Variants in PPP1R37 observed in about 807,000 individuals in gnomAD.
The protein encoded by PPP1R37 is leucine rich repeat containing 68.
A neutral mutation model predicts 61.0 loss-of-function variants in PPP1R37; 21 were observed. The ratio of observed to expected loss-of-function variants is 0.34; its 90% CI spans 0.24 to 0.50. The LOEUF is 0.50. PPP1R37 is among the 20% of genes least tolerant of loss of function. PPP1R37 has a pLI of 0.98. For missense variants in PPP1R37, 910 were observed against 952.7 expected (o/e 0.96, Z 0.59); for synonymous variants, 443 against 433.5 (o/e 1.02, Z -0.27).
intron 1 of PPP1R37, among the ~76,000 whole-genome samples, chr19:45,114,888 C>G (rs1388409484): frequency 6.6e-6 from 1 of 152,158 alleles, no homozygotes; most frequent in African/African-American, 2.4e-5. Context: ...GAAGCTCCTT[C>G]CAGCTGGGGG....
chr19:45,127,988 A>AT (rs1255867240), intron 1 of PPP1R37, among the ~76,000 whole-genome samples: 29 of 151,976 alleles, frequency 1.9e-4, no homozygotes, highest in Non-Finnish European at 2.9e-4. Flanking sequence ...AAAAAAAAAA[A>AT]AAAAAGATAA....
At position 45,134,182 on chromosome 19, in the gene PPP1R37, A is replaced by T. The variant is rs1442085095; in HGVS notation, c.203-4332A>T. On this transcript the variant is annotated intron_variant, in intron 1 of 12. Transcript: ENST00000221462. ...TTCTCCTCTCTTTTTTTTTTCTGAA[A>T]TTTTTTTTGTAGAGACTGGCTTTGT... Among the ~76,000 whole-genome samples the T allele has an allele frequency of 6.6e-5, 10 of 151,320 alleles. 1 individual carries two copies. The highest frequency in any genetic ancestry group is 4.2e-4 in the South Asian group (2 of 4,796).
At chr19:45,141,481 T>C in intron 5 of PPP1R37, 40 bp downstream of exon 5, 1 of 752,664 alleles carries the variant, frequency 1.3e-6, no homozygotes. Flanking sequence ...CAGCTCAGGC[T>C]CCCAGCACGG....
intron 1 of PPP1R37, among the ~76,000 whole-genome samples, chr19:45,095,656 A>G (rs1033626861): frequency 2.6e-5 from 4 of 151,694 alleles, no homozygotes; most frequent in African/African-American, 4.8e-5. Flanking sequence ...CCAGCAACTC[A>G]GGAGGCTGAA....
Position 45,146,542 on chromosome 19 carries a change from A to C in PPP1R37, c.*9-29A>C, listed in dbSNP as rs1026614154. The stretch of plus-strand genomic sequence containing the variant: ...AGCTGAGAGAGCCTCTGGCTCTGAC[A>C]GTCTCTCCCCCAATCTCTCCTCCCC... On this transcript the variant is annotated intron_variant, in intron 12 of 12. Transcript: ENST00000221462. The C allele has an allele frequency of 3.1e-5, 38 of 1,218,150 alleles. No homozygotes were observed. The African/African-American group carries it at 4.5e-4, about 14-fold the overall frequency. The allele number at this position is 1,218,150 out of a possible 1,614,324, so 75.5% of individuals were successfully genotyped here.
intron 1 of PPP1R37, among the ~76,000 whole-genome samples, chr19:45,116,044 C>T (rs998314680): frequency 6.6e-6 from 1 of 152,044 alleles, no homozygotes; most frequent in African/African-American, 2.4e-5. Flanking sequence ...GACTGGGGAC[C>T]CAGGGATTAA....
chr19:45,137,450 C>T (rs1338013204), intron 1 of PPP1R37, among the ~76,000 whole-genome samples: 1 of 151,900 alleles, frequency 6.6e-6, no homozygotes, highest in Non-Finnish European at 1.5e-5. Context: ...AAGCCCAGCC[C>T]TCCCTTCCGC....
chr19:45,095,740 G>T (rs2122702971), intron 1 of PPP1R37, among the ~76,000 whole-genome samples: 1 of 149,072 alleles, frequency 6.7e-6, no homozygotes, highest in Non-Finnish European at 1.5e-5. Flanking sequence ...TCCAGCTTGG[G>T]TGACAGAGAC....
intron 1 of PPP1R37, among the ~76,000 whole-genome samples, chr19:45,137,430 T>C (rs1968552830): frequency 6.6e-6 from 1 of 152,158 alleles, no homozygotes; most frequent in African/African-American, 2.4e-5. Flanking sequence ...GGCAAATCTG[T>C]GTAGATAGAA....
intron 1 of PPP1R37, among the ~76,000 whole-genome samples, chr19:45,096,939 T>A (rs1347647453): frequency 6.6e-6 from 1 of 150,464 alleles, no homozygotes. Context: ...ATTGGTGAAG[T>A]TGGTGAGTTT....
In PPP1R37 at chr19:45,143,272, G is replaced by A; in HGVS notation, c.875-249G>A. 1.2e-5 allele frequency: 5 copies of A among 423,096 alleles called. No individual in the cohort carries two copies. The East Asian group carries it at 1.8e-4, about 15-fold the overall frequency. The allele number at this position is 423,096 out of a possible 1,614,324, so 26.2% of individuals were successfully genotyped here. A position where few individuals can be genotyped will look rare whatever the true frequency, so the allele number is the denominator to read the frequency against. On this transcript the variant is annotated intron_variant, in intron 7 of 12. Coordinates refer to ENST00000221462, the MANE Select transcript of PPP1R37 (RefSeq NM_019121.2). ...GAGTGAGCTGGCTGTGAGGTGAGGT[G>A]GGCCAGAGGTGGTCACATTTGAGCA...
chr19:45,107,079 G>A (rs1968141899), intron 1 of PPP1R37, among the ~76,000 whole-genome samples: 1 of 151,540 alleles, frequency 6.6e-6, no homozygotes, highest in South Asian at 2.1e-4. Flanking sequence ...GCCTCCCAAA[G>A]TGCTGGGATT....
intron 1 of PPP1R37, among the ~76,000 whole-genome samples, chr19:45,125,495 C>A (rs1233655683): frequency 6.6e-6 from 1 of 152,142 alleles, no homozygotes; most frequent in Non-Finnish European, 1.5e-5. Flanking sequence ...TTCCTCTGAG[C>A]TGGCTTCATT....
intron 1 of PPP1R37, among the ~76,000 whole-genome samples, chr19:45,124,074 A>AGT (rs914609836): frequency 6.6e-6 from 1 of 151,952 alleles, no homozygotes; most frequent in Non-Finnish European, 1.5e-5. Context: ...ACCACAGACC[A>AGT]CCCCATGCTG....
In PPP1R37 at chr19:45,093,422, C is replaced by G; in HGVS notation, c.97C>G (p.Pro33Ala). The change falls in exon 1 of 13, where the codon CCC becomes GCC. Residue 33 changes from proline (P) to alanine (A), a missense_variant. Pro to Ala is a conservative substitution (Grantham distance 27). Transcript: ENST00000221462. ...AEAGSPSPAS[P>A]PADGRLKAAA... ...GGCCGGGTCTCCCAGCCCCGCGTCG[C>G]CCCCCGCCGATGGGCGCCTCAAGGC... 6.5e-7 allele frequency: 1 copy of G among 1,534,650 alleles called. No individual in the cohort carries two copies. Among genetic ancestry groups the G allele is most frequent in the Non-Finnish European group, 8.7e-7 (1 of 1,146,306 alleles).
intron 1 of PPP1R37, among the ~76,000 whole-genome samples, chr19:45,137,740 G>C (rs376808068): frequency 2.5e-4 from 38 of 152,008 alleles, no homozygotes; most frequent in African/African-American, 8.9e-4. Flanking sequence ...TATATACCAG[G>C]TGTGTGATCT....
At chr19:45,122,167 A>G (rs1009645419) in intron 1 of PPP1R37, among the ~76,000 whole-genome samples, 1 of 152,170 alleles carries the variant, frequency 6.6e-6, no homozygotes, top group Non-Finnish European at 1.5e-5. Flanking sequence ...GGAACTGGAC[A>G]CCTAGTGAAG....
In PPP1R37 at chr19:45,123,349, G is replaced by A. The variant is rs186691696; in HGVS notation, c.203-15165G>A. 2.5e-4 allele frequency among the ~76,000 whole-genome samples: 38 copies of A among 152,292 alleles called. No homozygotes were observed. The East Asian group carries it at 7.1e-3, about 29-fold the overall frequency. Reference sequence around the variant, plus strand: ...GGCTGGGTCTTCCTGCAGGCACCAGGAAGAAACCTACGAGCGCATCCTTGC... The same window carrying A: ...GGCTGGGTCTTCCTGCAGGCACCAGAAAGAAACCTACGAGCGCATCCTTGC... On this transcript the variant is annotated intron_variant, in intron 1 of 12. Transcript: ENST00000221462.
At chr19:45,094,018 G>A (rs10405721) in intron 1 of PPP1R37, among the ~76,000 whole-genome samples, 21,517 of 152,228 alleles carry the variant, frequency 0.14, 1,685 homozygotes, top group Non-Finnish European at 0.17. Context: ...TGGCTGGAAA[G>A]AGGGAGACTA....
Sources: allele counts gnomAD v4.1 joint callset (sites outside exome capture counted in the v4.1 genomes callset), GRCh38; gene constraint gnomAD v4.1.1; transcripts MANE v1.5; gene names NCBI Gene and HGNC (gene_info 2026-07-23, HGNC 2026-07-21).